WDR27: variants seen among roughly 807,000 people sequenced by gnomAD.
WDR27 encodes WD repeat-containing protein 27.
WDR27 carries 100 observed loss-of-function variants against 114.4 expected under a neutral mutation model. The ratio of observed to expected loss-of-function variants is 0.87; its 90% CI spans 0.74 to 1.03. The LOEUF (loss-of-function observed/expected upper bound fraction) is 1.03, where lower values mean the gene tolerates loss of function less well. Among genes scored for constraint, WDR27 ranks in the 50% least tolerant of loss-of-function variants. WDR27 has a pLI of 0.00. For synonymous variants in WDR27, 449 were observed against 423.1 expected (o/e 1.06, Z -0.75); for missense variants, 1,129 against 1,092.9 (o/e 1.03, Z -0.47).
At chr6:169,508,906 A>G (rs1792368627) in intron 25 of WDR27, among the ~76,000 whole-genome samples, 1 of 152,218 alleles carries the variant, frequency 6.6e-6, no homozygotes, top group African/African-American at 2.4e-5. Context: ...AACGGAAGCT[A>G]CATGTCCTGA....
chr6:169,683,192 C>T (rs1214553919), intron 2 of WDR27, among the ~76,000 whole-genome samples: 2 of 152,070 alleles, frequency 1.3e-5, no homozygotes, highest in African/African-American at 2.4e-5. Flanking sequence ...TAAATATCTA[C>T]GTACTGGAAG....
At chr6:169,517,460 A>G (rs1793820767) in intron 25 of WDR27, among the ~76,000 whole-genome samples, 1 of 152,234 alleles carries the variant, frequency 6.6e-6, no homozygotes, top group East Asian at 1.9e-4. Flanking sequence ...CTGAGAGTCT[A>G]TAACTATTGT....
intron 25 of WDR27, among the ~76,000 whole-genome samples, chr6:169,566,462 C>T (rs1360199612): frequency 6.6e-6 from 1 of 152,238 alleles, no homozygotes; most frequent in East Asian, 1.9e-4. Context: ...GACTCTCAAA[C>T]CACGTCACGG....
At chr6:169,691,424 CCA>C (rs1396700690) in intron 1 of WDR27, among the ~76,000 whole-genome samples, 4 of 152,008 alleles carry the variant, frequency 2.6e-5, no homozygotes, top group Non-Finnish European at 5.9e-5. Context: ...TCCAAAGCTA[CCA>C]CAGTTACTCA....
At chr6:169,482,699 A>G (rs1788347789) in intron 25 of WDR27, among the ~76,000 whole-genome samples, 1 of 152,236 alleles carries the variant, frequency 6.6e-6, no homozygotes, top group African/African-American at 2.4e-5. Context: ...TAAGATATCT[A>G]CAGAACTCAC....
intron 25 of WDR27, among the ~76,000 whole-genome samples, chr6:169,551,737 C>CAAAAAAAAAAA (rs1296878043): frequency 1.6e-5 from 1 of 60,688 alleles, no homozygotes; most frequent in African/African-American, 4.5e-5. Flanking sequence ...GACTCCATCT[C>CAAAAAAAAAAA]AAAAAAAAAA....
chr6:169,635,000 G>T (rs78259231), intron 19 of WDR27, among the ~76,000 whole-genome samples: 1,876 of 152,316 alleles, frequency 0.012, 40 homozygotes, highest in African/African-American at 0.043. Flanking sequence ...ACTCTCAGGG[G>T]CAAAGGGCTG....
chr6:169,620,112 T>C (rs1562716122), intron 21 of WDR27, among the ~76,000 whole-genome samples: 1 of 152,158 alleles, frequency 6.6e-6, no homozygotes, highest in African/African-American at 2.4e-5. Flanking sequence ...CTCAGACCCC[T>C]TAATCAGAGC....
intron 25 of WDR27, among the ~76,000 whole-genome samples, chr6:169,505,495 TA>T: frequency 3.3e-5 from 2 of 60,142 alleles, no homozygotes; most frequent in Non-Finnish European, 1.5e-4. Flanking sequence ...CAGGGACTCA[TA>T]ATTTGAGAAA....
intron 25 of WDR27, among the ~76,000 whole-genome samples, chr6:169,502,027 C>T (rs1791319043): frequency 6.6e-6 from 1 of 152,202 alleles, no homozygotes. Context: ...GTGGCCATGC[C>T]TGGGGCATCC....
At chr6:169,427,809 CAAAAAAA>C in the WDR27 span, among the ~76,000 whole-genome samples, 5 of 126,614 alleles carry the variant, frequency 3.9e-5, no homozygotes, top group Admixed American at 3.3e-4. Flanking sequence ...AAACAACAAC[CAAAAAAA>C]AAAAAAAAAA....
At chr6:169,470,933 C>A (rs984209061) in intron 25 of WDR27, among the ~76,000 whole-genome samples, 3 of 152,130 alleles carry the variant, frequency 2.0e-5, no homozygotes, top group Admixed American at 6.5e-5. Context: ...AGCCTCTGAA[C>A]TCAGACAAGG....
At chr6:169,648,629 T>C (rs1434857451) in intron 15 of WDR27, among the ~76,000 whole-genome samples, 1 of 152,276 alleles carries the variant, frequency 6.6e-6, no homozygotes, top group Non-Finnish European at 1.5e-5. Flanking sequence ...AGTAGACCCA[T>C]GTACGTTAAA....
intron 25 of WDR27, among the ~76,000 whole-genome samples, chr6:169,472,541 T>C (rs1269607794): frequency 1.3e-5 from 2 of 152,182 alleles, no homozygotes; most frequent in Non-Finnish European, 2.9e-5. Context: ...AGGATTGAAT[T>C]AGTTAATATA....
At chr6:169,646,630 C>T (rs1182315408) in intron 16 of WDR27, among the ~76,000 whole-genome samples, 2 of 151,958 alleles carry the variant, frequency 1.3e-5, no homozygotes, top group African/African-American at 2.4e-5. Flanking sequence ...CACCTGTAAT[C>T]CTAGCTACGC....
At chr6:169,610,436 G>A (rs761590631) in intron 22 of WDR27, among the ~76,000 whole-genome samples, 4 of 152,186 alleles carry the variant, frequency 2.6e-5, no homozygotes, top group Admixed American at 1.3e-4. Context: ...TACATGGTTG[G>A]CAGCAGGGTA....
At chr6:169,602,687 A>G (rs1356476914) in intron 22 of WDR27, among the ~76,000 whole-genome samples, 1 of 152,166 alleles carries the variant, frequency 6.6e-6, no homozygotes, top group Non-Finnish European at 1.5e-5. Context: ...TTTGGAGGCA[A>G]AACATTCTAT....
intron 21 of WDR27, among the ~76,000 whole-genome samples, chr6:169,632,582 C>CAA (rs11395642): frequency 1.3e-5 from 2 of 151,964 alleles, no homozygotes; most frequent in South Asian, 2.1e-4. Context: ...CCTCCACCTT[C>CAA]AAAAAAAAGC....
intron 21 of WDR27, among the ~76,000 whole-genome samples, chr6:169,626,357 G>A (rs1222018118): frequency 6.6e-6 from 1 of 152,182 alleles, no homozygotes; most frequent in Non-Finnish European, 1.5e-5. Context: ...AGAGGCACCA[G>A]CCAAGGGGGG....
Sources: gnomAD v4.1 joint callset for allele counts (sites outside exome capture counted in the v4.1 genomes callset) on GRCh38, gnomAD v4.1.1 for gene constraint, MANE v1.5 for transcripts, NCBI Gene and HGNC (gene_info 2026-07-23, HGNC 2026-07-21) for gene names.